The following PCDHGA3 variants were observed in gnomAD, a reference collection of about 807,000 sequenced individuals.
The protein encoded by PCDHGA3 is protocadherin gamma subfamily A, 3.
A neutral mutation model predicts 58.5 loss-of-function variants in PCDHGA3; 40 were observed. The ratio of observed to expected loss-of-function variants is 0.68; its 90% CI spans 0.53 to 0.89. PCDHGA3 has a LOEUF of 0.89. PCDHGA3 is among the 40% of genes least tolerant of loss of function. The probability of loss-of-function intolerance (pLI) is 0.00; values close to 1 mark genes in which losing one functional copy is unlikely to be tolerated. For missense variants in PCDHGA3, 1,223 were observed against 1,195.9 expected, an observed-to-expected ratio of 1.02 and a Z score of -0.33; for synonymous variants, 530 against 525.7, an observed-to-expected ratio of 1.01 and a Z score of -0.11.
Position 141,491,968 on chromosome 5 carries a change from G to GC in PCDHGA3, c.2425-2837dup. On this transcript the variant is annotated intron_variant, in intron 1 of 3. Coordinates refer to ENST00000253812, the MANE Select transcript of PCDHGA3 (RefSeq NM_018916.4). The surrounding 1 kb of genome is among the most constrained non-coding windows in gnomAD (Gnocchi z 6.9). ...ACCCCTACACTCAAAAAAGGCCGGG[G>GC]CCTCCTTCGAGCTTCCGGTGAATTT... 1.1e-6 allele frequency: 1 copy of GC among 923,644 alleles called. No homozygotes were observed. Among genetic ancestry groups the GC allele is most frequent in the Admixed American group, 3.6e-5 (1 of 27,548 alleles). 57.2% of individuals were successfully genotyped at this position (923,644 alleles called of 1,614,324 possible).
intron 1 of PCDHGA3, chr5:141,383,762 T>G (rs777698869): frequency 4.3e-6 from 7 of 1,613,846 alleles, no homozygotes; most frequent in Non-Finnish European, 5.9e-6. Context: ...ACTCCTAAAC[T>G]TCCAAAGATG....
At position 141,512,523 on chromosome 5, in the gene PCDHGA3, T is replaced by A. The variant is rs1222752176; in HGVS notation, c.*1350T>A. 6.5e-6 allele frequency: 1 copy of A among 152,848 alleles called. No homozygotes were observed. The highest frequency in any genetic ancestry group is 1.5e-5 in the Non-Finnish European group (1 of 68,240). 9.5% of individuals were successfully genotyped at this position (152,848 alleles called of 1,614,324 possible). A position where few individuals can be genotyped will look rare whatever the true frequency, so the allele number is the denominator to read the frequency against. The stretch of plus-strand genomic sequence containing the variant: ...AGTGCGCCCCCTAGTGGCCATAGCC[T>A]GGTTAAAGTTCCCCAGTGCCTCCTT... On this transcript the variant is annotated 3_prime_UTR_variant, in exon 4 of 4. Transcript: ENST00000253812.
At chr5:141,424,171 C>A in intron 1 of PCDHGA3, 1 of 226,338 alleles carries the variant, frequency 4.4e-6, no homozygotes, top group Non-Finnish European at 8.0e-6. Flanking sequence ...ATCTATCTAT[C>A]TATACACATG....
chr5:141,415,322 T>G (rs1226384298), intron 1 of PCDHGA3: 2 of 1,614,104 alleles, frequency 1.2e-6, no homozygotes, highest in South Asian at 2.2e-5. Flanking sequence ...ATCGTGCTGC[T>G]GGCGCACAGG....
intron 1 of PCDHGA3, chr5:141,385,092 C>T (rs778613931): frequency 1.9e-6 from 3 of 1,614,210 alleles, no homozygotes; most frequent in Admixed American, 3.3e-5. Context: ...CAGAAGGTGG[C>T]TTGGCGAACG....
At chr5:141,498,105 G>A (rs150297456) in intron 2 of PCDHGA3, among the ~76,000 whole-genome samples, 4 of 152,206 alleles carry the variant, frequency 2.6e-5, no homozygotes, top group African/African-American at 9.7e-5. Flanking sequence ...TGGTGTGGGC[G>A]TATAATAGGG....
At position 141,345,941 on chromosome 5, in the gene PCDHGA3, C is replaced by G. The variant is rs772670164; in HGVS notation, c.1908C>G (p.Asp636Glu). 6 of 1,613,582 alleles carry G rather than the reference C, an allele frequency of 3.7e-6. No homozygotes were observed. The highest frequency in any genetic ancestry group is 5.1e-6 in the Non-Finnish European group (6 of 1,179,878). Residue 636 changes from aspartate to glutamate, a missense_variant, in exon 1 of 4, where the codon GAC becomes GAG. Asp to Glu is a conservative substitution (Grantham distance 45). Coordinates refer to ENST00000253812, the MANE Select transcript of PCDHGA3 (RefSeq NM_018916.4). ...CGGCGCGAGCCCTGCTGGACAGAGACGCGCTCAAGCAGAGCCTCGTGGTGG... is the reference window on the plus strand; with the variant it reads ...CGGCGCGAGCCCTGCTGGACAGAGAGGCGCTCAAGCAGAGCCTCGTGGTGG... ...VRTARALLDR[D>E]ALKQSLVVAV...
chr5:141,352,575 C>A, intron 1 of PCDHGA3: 1 of 1,613,904 alleles, frequency 6.2e-7, no homozygotes, highest in South Asian at 1.1e-5. Flanking sequence ...GAAATGGCTC[C>A]CCCTCAGGAT....
chr5:141,399,872 A>G (rs759178048), intron 1 of PCDHGA3: 2 of 1,612,652 alleles, frequency 1.2e-6, no homozygotes, highest in Non-Finnish European at 1.7e-6. Flanking sequence ...GAGCCCGGCT[A>G]CCTGGTGACC....
In PCDHGA3 at chr5:141,344,291, C is replaced by T. The variant is rs747584731; in HGVS notation, c.258C>T (p.Thr86=). The stretch of plus-strand genomic sequence containing the variant: ...ATCCGCAAAGCGGCAGCTTGGTCAC[C>T]GCGGAGAGGATAGACCGGGAGGAGC... The part of the protein sequence containing the change: ...SLNPQSGSLV[T]AERIDREELC... Residue 86 remains threonine, a synonymous_variant, in exon 1 of 4, where the codon ACC becomes ACT. Transcript: ENST00000253812. 2 of 1,614,058 alleles carry T rather than the reference C, an allele frequency of 1.2e-6. No homozygotes were observed. The highest frequency in any genetic ancestry group is 1.7e-6 in the Non-Finnish European group (2 of 1,179,938).
rs143025976 is a variant in PCDHGA3 at position 141,348,506 on chromosome 5, G to A, written c.2424+2049G>A. On this transcript the variant is annotated intron_variant, in intron 1 of 3. Coordinates refer to ENST00000253812, the MANE Select transcript of PCDHGA3 (RefSeq NM_018916.4). ...TAAGGAGAAAAAAAATTAATTAGCT[G>A]TGTCAGGGGAAATTTGGATGCTCAA... is the stretch of plus-strand genomic sequence containing the variant. 5.9e-5 allele frequency among the ~76,000 whole-genome samples: 9 copies of A among 152,260 alleles called. No individual in the cohort carries two copies. The East Asian group carries it at 1.5e-3, about 26-fold the overall frequency.
At chr5:141,407,974 G>A (rs1229330658) in intron 1 of PCDHGA3, 3 of 728,612 alleles carry the variant, frequency 4.1e-6, no homozygotes, top group African/African-American at 1.8e-5. Context: ...CGCTGACGCC[G>A]GGGATCCGTC....
Position 141,410,300 on chromosome 5 carries a change from T to A in PCDHGA3, c.2424+63843T>A, listed in dbSNP as rs1233506038. 4 of 1,614,022 alleles carry A rather than the reference T, an allele frequency of 2.5e-6. No individual in the cohort carries two copies. In the Admixed American group the frequency reaches 6.7e-5, roughly 27 times the overall value. ...CCTGGTGGTGGCCTTGGCCTTAATC[T>A]CAGTGCTCTTCCTCCTCGCCGTGAT... On this transcript the variant is annotated intron_variant, in intron 1 of 3. Coordinates refer to ENST00000253812, the MANE Select transcript of PCDHGA3 (RefSeq NM_018916.4).
rs1254227812 is a variant in PCDHGA3, at chr5:141,357,331, C to T, written c.2424+10874C>T. Reference sequence around the variant, plus strand: ...CGTCTTCCTGGCTTTTGTCACGGTGCTGCTAGCACTCAAGCTGAGACGCTG... The same window carrying T: ...CGTCTTCCTGGCTTTTGTCACGGTGTTGCTAGCACTCAAGCTGAGACGCTG... On this transcript the variant is annotated intron_variant, in intron 1 of 3. Coordinates refer to ENST00000253812, the MANE Select transcript of PCDHGA3 (RefSeq NM_018916.4). 2.5e-6 allele frequency: 4 copies of T among 1,614,098 alleles called. No homozygotes were observed. The Admixed American group carries it at 5.0e-5, about 20-fold the overall frequency.
At chr5:141,482,901 A>T (rs192886570) in intron 1 of PCDHGA3, among the ~76,000 whole-genome samples, 2 of 152,240 alleles carry the variant, frequency 1.3e-5, no homozygotes, top group African/African-American at 4.8e-5. Flanking sequence ...GTGAAACCTC[A>T]TCTCTATTAA....
At chr5:141,402,212 A>C (rs1282581389) in intron 1 of PCDHGA3, among the ~76,000 whole-genome samples, 1 of 152,138 alleles carries the variant, frequency 6.6e-6, no homozygotes, top group Non-Finnish European at 1.5e-5. Flanking sequence ...ACAAAAATTT[A>C]AAATAAACGT....
chr5:141,421,457 C>T (rs377073702), intron 1 of PCDHGA3: 9 of 1,614,014 alleles, frequency 5.6e-6, no homozygotes, highest in African/African-American at 2.7e-5. Flanking sequence ...CAGCTTTTCG[C>T]TGTGAATCCG....
At chr5:141,430,977 A>C (rs761722055) in intron 1 of PCDHGA3, 1 of 1,613,290 alleles carries the variant, frequency 6.2e-7, no homozygotes, top group South Asian at 1.1e-5. Context: ...GGTAGGACGC[A>C]GCTTTTCGCC....
At chr5:141,433,358 CCTATCTATCTATCTATCTAT>C (rs3074541) in intron 1 of PCDHGA3, 19 of 503,934 alleles carry the variant, frequency 3.8e-5, no homozygotes, top group South Asian at 2.3e-4. Flanking sequence ...CTACTGTCTG[CCTATCTATCTATCTATCTAT>C]CTATCTATCT....
Sources: gnomAD v4.1 joint callset for allele counts (sites outside exome capture counted in the v4.1 genomes callset) on GRCh38, gnomAD v4.1.1 for gene constraint, Gnocchi (gnomAD v3.1) non-coding constraint, MANE v1.5 for transcripts, NCBI Gene and HGNC (gene_info 2026-07-23, HGNC 2026-07-21) for gene names.